The following SYT17 variants were observed in gnomAD, a reference collection of about 807,000 sequenced individuals.
The protein encoded by SYT17 is synaptotagmin 17.
A neutral mutation model predicts 46.7 loss-of-function variants in SYT17; 22 were observed. The observed-to-expected ratio is 0.47, with a 90% CI of 0.34 to 0.67. SYT17 has a LOEUF of 0.67. SYT17 is among the 30% of genes least tolerant of loss of function. SYT17 has a pLI of 0.01. For missense variants in SYT17, 519 were observed against 612.8 expected (o/e 0.85, Z 1.62); for synonymous variants, 251 against 248.4 (o/e 1.01, Z -0.10).
At chr16:19,192,407 C>T (rs1046708287) in intron 5 of SYT17, among the ~76,000 whole-genome samples, 1 of 151,552 alleles carries the variant, frequency 6.6e-6, no homozygotes, top group East Asian at 1.9e-4. Flanking sequence ...GACAGCAGAG[C>T]GAGACCCTGT....
intron 7 of SYT17, among the ~76,000 whole-genome samples, chr16:19,230,195 G>A (rs779557377): frequency 1.7e-4 from 26 of 152,094 alleles, no homozygotes; most frequent in Non-Finnish European, 4.4e-5. Flanking sequence ...ATCACCTGAG[G>A]TGAGGAGTTT....
intron 5 of SYT17, among the ~76,000 whole-genome samples, chr16:19,196,287 C>T (rs4780783): frequency 6.6e-6 from 1 of 150,878 alleles, no homozygotes. Flanking sequence ...CTGTTGCCCA[C>T]GCTGGAGTGC....
chr16:19,216,323 A>G (rs1966092177), intron 5 of SYT17, among the ~76,000 whole-genome samples: 1 of 151,864 alleles, frequency 6.6e-6, no homozygotes, highest in Admixed American at 6.6e-5. Context: ...ATTGTGCTTC[A>G]GTCTGTCTTG....
rs2142485240 is a variant in SYT17, at chr16:19,168,954, C to T, written c.15+293C>T. On this transcript the variant is annotated intron_variant, in intron 1 of 7. Coordinates refer to ENST00000355377, the MANE Select transcript of SYT17 (RefSeq NM_016524.4). This position sits in a 1 kb window ranked among gnomAD's most constrained non-coding sequence, Gnocchi z 6.9. ...GCGGACTTTTCTTCTCCCCTGCCCC[C>T]TCCCTCTCCTTGGCACCCCACCCCA... Among the ~76,000 whole-genome samples, 1 of 151,378 alleles carries T rather than the reference C, an allele frequency of 6.6e-6. No individual in the cohort carries two copies.
At chr16:19,168,166 A>G (rs1963938399), upstream of SYT17, 2 of 163,118 alleles carry the variant, frequency 1.2e-5, no homozygotes, top group South Asian at 1.7e-4. This position sits in a 1 kb window ranked among gnomAD's most constrained non-coding sequence, Gnocchi z 6.9. Context: ...CCCCCGTGCC[A>G]GCAGGATGGG....
At chr16:19,179,032 T>C (rs1002535412) in intron 3 of SYT17, among the ~76,000 whole-genome samples, 2 of 145,538 alleles carry the variant, frequency 1.4e-5, no homozygotes, top group African/African-American at 5.0e-5. Flanking sequence ...CCCTGTTTCT[T>C]AAAAAAAAAA....
chr16:19,257,421 A>T lies in SYT17; in HGVS notation c.1229-9459A>T, dbSNP rs1968653046. ...CAAAAAAAAAAAAAAGAAAAACCTG[A>T]AAAAGCTTCTAGGTTTCTGAAAGAA... On this transcript the variant is annotated intron_variant, in intron 7 of 7. Coordinates refer to ENST00000355377, the MANE Select transcript of SYT17 (RefSeq NM_016524.4). Among the ~76,000 whole-genome samples, 3 of 151,118 alleles carry T rather than the reference A, an allele frequency of 2.0e-5. No individual in the cohort carries two copies. In the South Asian group the frequency reaches 6.2e-4, roughly 31 times the overall value.
rs1963958642 is a variant in SYT17 at position 19,168,651 on chromosome 16, C to A, written c.5C>A (p.Ala2Glu). 1.3e-6 allele frequency: 2 copies of A among 1,536,172 alleles called. No homozygotes were observed. The highest frequency in any genetic ancestry group is 2.4e-5 in the South Asian group (2 of 83,274). M[A>E]YIQLEPLNEG... Reference sequence around the variant, plus strand: ...AGTGAGTGCGCGCGGGCGAAAATGGCGTACATCCAGGTAGGGCTGAGGCTG... The same window carrying A: ...AGTGAGTGCGCGCGGGCGAAAATGGAGTACATCCAGGTAGGGCTGAGGCTG... The change falls in exon 1 of 8, where the codon GCG becomes GAG. Residue 2 changes from alanine to glutamate, a missense_variant. By Grantham distance (107) the Ala-to-Glu change is moderately radical (BLOSUM62 -1). Coordinates refer to ENST00000355377, the MANE Select transcript of SYT17 (RefSeq NM_016524.4). This position sits in a 1 kb window ranked among gnomAD's most constrained non-coding sequence, Gnocchi z 6.9.
chr16:19,259,309 G>A (rs889561811), intron 7 of SYT17, among the ~76,000 whole-genome samples: 2 of 152,294 alleles, frequency 1.3e-5, no homozygotes, highest in African/African-American at 4.8e-5. Context: ...TTTAAACAAG[G>A]CTTAACATTT....
At chr16:19,214,900 C>T (rs956150221) in intron 5 of SYT17, among the ~76,000 whole-genome samples, 1 of 152,026 alleles carries the variant, frequency 6.6e-6, no homozygotes, top group African/African-American at 2.4e-5. Context: ...GGGAGTCTCC[C>T]ACCTCAGCCT....
intron 7 of SYT17, among the ~76,000 whole-genome samples, chr16:19,254,190 G>T (rs1041030774): frequency 1.3e-5 from 2 of 152,144 alleles, no homozygotes; most frequent in Non-Finnish European, 2.9e-5. Flanking sequence ...CCCACCACAG[G>T]CACCACCCTC....
chr16:19,241,924 A>G (rs1967162805), intron 7 of SYT17, among the ~76,000 whole-genome samples: 1 of 152,180 alleles, frequency 6.6e-6, no homozygotes, highest in Non-Finnish European at 1.5e-5. Context: ...AGCCAGAGCA[A>G]TGGCAGTGGC....
chr16:19,211,171 A>G, intron 5 of SYT17: 2 of 433,278 alleles, frequency 4.6e-6, no homozygotes, highest in Non-Finnish European at 8.2e-6. Flanking sequence ...GGCTCTTACA[A>G]GAAAGGAAAT....
At chr16:19,199,438 C>T (rs116696482) in intron 5 of SYT17, among the ~76,000 whole-genome samples, 357 of 152,180 alleles carry the variant, frequency 2.3e-3, no homozygotes, top group African/African-American at 7.7e-3. Flanking sequence ...ACAGTCATGG[C>T]CCTCAATATC....
At chr16:19,266,685 T>C in intron 7 of SYT17, among the ~76,000 whole-genome samples, 195 bp from the exon 8 acceptor site, 1 of 152,038 alleles carries the variant, frequency 6.6e-6, no homozygotes, top group Non-Finnish European at 1.5e-5. Context: ...TTGCAGAGAC[T>C]CACAGGAGGA....
intron 7 of SYT17, among the ~76,000 whole-genome samples, chr16:19,253,818 C>T (rs1567235751): frequency 6.6e-6 from 1 of 152,064 alleles, no homozygotes; most frequent in Non-Finnish European, 1.5e-5. Context: ...ACCTCTGTCT[C>T]CTGGGTTCAA....
chr16:19,253,696 T>G (rs1349370206), intron 7 of SYT17, among the ~76,000 whole-genome samples: 12 of 152,250 alleles, frequency 7.9e-5, no homozygotes, highest in African/African-American at 2.9e-4. Flanking sequence ...ACCCTGGCCC[T>G]AGAGTAACAC....
rs34467058 is a variant in SYT17, at chr16:19,184,562, A to AT, written c.951+429dup. On this transcript the variant is annotated intron_variant, in intron 5 of 7. Coordinates refer to ENST00000355377, the MANE Select transcript of SYT17 (RefSeq NM_016524.4). Reference sequence around the variant, plus strand: ...CACCACGCCCTGCTAATTTTTTTGTATTTTTTTTTTTTTTAGTAGAGATGA... The same window carrying AT: ...CACCACGCCCTGCTAATTTTTTTGTATTTTTTTTTTTTTTTAGTAGAGATGA... 7.5e-4 allele frequency among the ~76,000 whole-genome samples: 109 copies of AT among 145,144 alleles called. No homozygotes were observed. The East Asian group carries it at 8.4e-3, about 11-fold the overall frequency.
chr16:19,267,079 G>C lies in SYT17; in HGVS notation c.*3G>C. ...CTGCCTCCCTGGAGGTGACCTGAGGGCTGCAGGGAAGGCAGCTTTCATTTG... is the reference window on the plus strand; with the variant it reads ...CTGCCTCCCTGGAGGTGACCTGAGGCCTGCAGGGAAGGCAGCTTTCATTTG... On this transcript the variant is annotated 3_prime_UTR_variant, in exon 8 of 8. Transcript: ENST00000355377. The C allele has an allele frequency of 6.4e-7, 1 of 1,573,086 alleles. No individual in the cohort carries two copies. Among genetic ancestry groups the C allele is most frequent in the Admixed American group, 1.9e-5 (1 of 51,660 alleles).
Sources: allele counts gnomAD v4.1 joint callset (sites outside exome capture counted in the v4.1 genomes callset), GRCh38; gene constraint gnomAD v4.1.1; non-coding constraint Gnocchi (gnomAD v3.1); transcripts MANE v1.5; gene names NCBI Gene and HGNC (gene_info 2026-07-23, HGNC 2026-07-21).